METTL15: variants seen among roughly 807,000 people sequenced by gnomAD.
METTL15 encodes 12S rRNA N(4)-cytidine methyltransferase METTL15.
A neutral mutation model predicts 38.3 loss-of-function variants in METTL15; 34 were observed. The observed-to-expected ratio is 0.89, with a 90% CI of 0.68 to 1.18. The LOEUF is 1.18. Among genes scored for constraint, METTL15 ranks in the 50% most tolerant of loss-of-function variants. The pLI, the probability that METTL15 is intolerant of heterozygous loss-of-function variation, is 0.00. For synonymous variants in METTL15, 162 were observed against 170.9 expected (o/e 0.95, Z 0.41); for missense variants, 438 against 498.4 (o/e 0.88, Z 1.15).
intron 6 of METTL15, among the ~76,000 whole-genome samples, chr11:28,445,036 G>A (rs1851063990): frequency 6.6e-6 from 1 of 152,076 alleles, no homozygotes; most frequent in African/African-American, 2.4e-5. Context: ...GCAAACATGA[G>A]AGACAAGCTG....
Position 28,294,390 on chromosome 11 carries a change from T to G in METTL15, c.600-2363T>G, listed in dbSNP as rs151048518. ...CAATTCCTGAAAGGAGATGTATCCC[T>G]GTGATGAAGACGGATGCAAGAGACT... On this transcript the variant is annotated intron_variant, in intron 5 of 6. Coordinates refer to ENST00000407364, the MANE Select transcript of METTL15 (RefSeq NM_001113528.2). 6.9e-4 allele frequency among the ~76,000 whole-genome samples: 105 copies of G among 152,316 alleles called. 3 individuals are homozygous for G. The East Asian group carries it at 0.017, about 25-fold the overall frequency.
chr11:28,497,269 T>C (rs1851542688), intron 6 of METTL15, among the ~76,000 whole-genome samples: 1 of 152,222 alleles, frequency 6.6e-6, no homozygotes, highest in African/African-American at 2.4e-5. Flanking sequence ...GTTTGCTTCA[T>C]GCACAAATAT....
chr11:28,190,090 T>C (rs1851646152), intron 3 of METTL15, among the ~76,000 whole-genome samples: 1 of 151,236 alleles, frequency 6.6e-6, no homozygotes. Context: ...TCAATAGTTG[T>C]TCAAAAGTTG....
intron 4 of METTL15, among the ~76,000 whole-genome samples, chr11:28,252,777 C>T (rs569364868): frequency 6.6e-6 from 1 of 152,086 alleles, no homozygotes; most frequent in South Asian, 2.1e-4. Flanking sequence ...ACATTTTCTT[C>T]CACTTTATAA....
intron 3 of METTL15, among the ~76,000 whole-genome samples, chr11:28,164,411 G>A (rs1383840128): frequency 6.6e-6 from 1 of 151,906 alleles, no homozygotes; most frequent in East Asian, 1.9e-4. Flanking sequence ...GAATATGTAT[G>A]TTTCTGCTTG....
intron 5 of METTL15, among the ~76,000 whole-genome samples, chr11:28,392,786 A>C (rs1031567531): frequency 6.6e-6 from 1 of 152,090 alleles, no homozygotes; most frequent in African/African-American, 2.4e-5. Flanking sequence ...GAATATATAA[A>C]GATCTACAAC....
intron 4 of METTL15, chr11:28,287,668 C>T (rs1456481287): frequency 5.9e-5 from 9 of 153,634 alleles, no homozygotes; most frequent in African/African-American, 1.9e-4. Context: ...TTTTAATATA[C>T]ATATATAAAT....
chr11:28,137,786 T>A (rs1849561987), intron 3 of METTL15, among the ~76,000 whole-genome samples: 1 of 152,094 alleles, frequency 6.6e-6, no homozygotes, highest in African/African-American at 2.4e-5. Context: ...ATTACAGCTT[T>A]TATTTTTTTT....
intron 3 of METTL15, among the ~76,000 whole-genome samples, chr11:28,113,914 A>G (rs532083501): frequency 2.0e-5 from 3 of 152,182 alleles, no homozygotes; most frequent in East Asian, 3.8e-4. Context: ...TGTTCTGAGC[A>G]TGTTTAAGGT....
intron 3 of METTL15, among the ~76,000 whole-genome samples, chr11:28,196,266 C>A (rs1851905608): frequency 6.6e-6 from 1 of 151,928 alleles, no homozygotes; most frequent in Non-Finnish European, 1.5e-5. Flanking sequence ...ATAGCAGTTG[C>A]ATTTAATATA....
intron 4 of METTL15, among the ~76,000 whole-genome samples, chr11:28,259,505 C>G (rs982841680): frequency 1.3e-5 from 2 of 152,056 alleles, no homozygotes; most frequent in African/African-American, 2.4e-5. Flanking sequence ...ATGTAGGGGC[C>G]CAGAGCTCTT....
rs567625895 is a variant in METTL15, at chr11:28,438,929, G to A, written c.*424+14565G>A. Among the ~76,000 whole-genome samples, 66 of 151,788 alleles carry A rather than the reference G, an allele frequency of 4.3e-4. No individual in the cohort carries two copies. The East Asian group carries it at 8.9e-3, about 21-fold the overall frequency. ...TGACTGCAGGTGATCCACCCACCTC[G>A]GCCTCCCAAAGTGCTGGGATTACAA... On this transcript the variant is annotated intron_variant and NMD_transcript_variant, in intron 6 of 7. Coordinates refer to the METTL15 transcript ENST00000532947.
chr11:28,489,434 A>G (rs1851475175), intron 6 of METTL15, among the ~76,000 whole-genome samples: 1 of 152,190 alleles, frequency 6.6e-6, no homozygotes, highest in Non-Finnish European at 1.5e-5. Context: ...CCTGTTATCG[A>G]CAGGACATGT....
At chr11:28,518,624 G>A (rs189089642) in intron 6 of METTL15, among the ~76,000 whole-genome samples, 78 of 152,302 alleles carry the variant, frequency 5.1e-4, no homozygotes, top group Non-Finnish European at 9.6e-4. Context: ...CCTCATACTG[G>A]TGGTGAAGTA....
chr11:28,261,098 C>T (rs1468404383), intron 4 of METTL15: 1 of 152,150 alleles, frequency 6.6e-6, no homozygotes, highest in Admixed American at 6.5e-5. Context: ...CACACAGTTT[C>T]TTGATCAGAA....
In METTL15 at chr11:28,188,276, CAG is replaced by C. The variant is rs552226148; in HGVS notation, c.271-22784_271-22783del. Among the ~76,000 whole-genome samples, 730 of 151,344 alleles carry C rather than the reference CAG, an allele frequency of 4.8e-3. 3 individuals are homozygous for C. Among genetic ancestry groups the C allele is most frequent in the Non-Finnish European group, 8.9e-3 (597 of 67,446 alleles). On this transcript the variant is annotated intron_variant, in intron 3 of 6. Transcript: ENST00000407364. ...TTGAAAAAAATTCAAACATATCAAA[CAG>C]ATATTTTAATACTCTGACAAAGTCT...
intron 4 of METTL15, among the ~76,000 whole-genome samples, chr11:28,359,304 G>T (rs368246903): frequency 1.3e-5 from 2 of 152,188 alleles, no homozygotes; most frequent in East Asian, 1.9e-4. Flanking sequence ...TGATGTGTAT[G>T]TACCATGTTT....
At chr11:28,274,267 T>C (rs1169399416) in intron 4 of METTL15, among the ~76,000 whole-genome samples, 2 of 152,050 alleles carry the variant, frequency 1.3e-5, no homozygotes. Context: ...TAATGAACTT[T>C]TTTCAGAGAT....
chr11:28,390,988 G>A (rs576976258), intron 5 of METTL15, among the ~76,000 whole-genome samples: 1 of 152,262 alleles, frequency 6.6e-6, no homozygotes, highest in South Asian at 2.1e-4. Flanking sequence ...TCTCTTTGAA[G>A]CAATTGTGAA....
Sources: allele counts gnomAD v4.1 joint callset (sites outside exome capture counted in the v4.1 genomes callset), GRCh38; gene constraint gnomAD v4.1.1; transcripts MANE v1.5; gene names NCBI Gene and HGNC (gene_info 2026-07-23, HGNC 2026-07-21).